Variants in CREB5 observed in about 807,000 individuals in gnomAD.
The protein encoded by CREB5 is cyclic AMP-responsive element-binding protein 5.
A neutral mutation model predicts 57.1 loss-of-function variants in CREB5; 19 were observed. That is an observed-to-expected ratio of 0.33 (90% CI 0.23 to 0.49). The LOEUF is 0.49. Among genes scored for constraint, CREB5 ranks in the 20% least tolerant of loss-of-function variants. The probability of loss-of-function intolerance (pLI) is 0.99; values close to 1 mark genes in which losing one functional copy is unlikely to be tolerated. For missense variants in CREB5, 579 were observed against 671.6 expected, an observed-to-expected ratio of 0.86 and a Z score of 1.52; for synonymous variants, 238 against 238.3, an observed-to-expected ratio of 1.00 and a Z score of 0.01.
At chr7:28,605,593 T>G (rs1797098427) in intron 5 of CREB5, among the ~76,000 whole-genome samples, 3 of 152,196 alleles carry the variant, frequency 2.0e-5, no homozygotes, top group Admixed American at 2.0e-4. Flanking sequence ...GGAGCTGACC[T>G]TCACTGCTTC....
intron 5 of CREB5, among the ~76,000 whole-genome samples, chr7:28,665,349 GA>G (rs1019353387): frequency 6.6e-6 from 1 of 152,140 alleles, no homozygotes; most frequent in African/African-American, 2.4e-5. Context: ...ATACATTAAA[GA>G]AACAACTTGC....
intron 4 of CREB5, among the ~76,000 whole-genome samples, chr7:28,518,398 G>C (rs1198507099): frequency 6.6e-6 from 1 of 152,196 alleles, no homozygotes; most frequent in Non-Finnish European, 1.5e-5. Flanking sequence ...TTGAATCACA[G>C]CCTCTCTCAA....
At chr7:28,386,131 T>C (rs565655823) in intron 1 of CREB5, among the ~76,000 whole-genome samples, 4 of 152,358 alleles carry the variant, frequency 2.6e-5, no homozygotes, top group African/African-American at 9.6e-5. Flanking sequence ...CACCTACTTA[T>C]TCGCATTTTC....
At chr7:28,658,132 G>C (rs1291210493) in intron 5 of CREB5, among the ~76,000 whole-genome samples, 1 of 152,152 alleles carries the variant, frequency 6.6e-6, no homozygotes, top group Non-Finnish European at 1.5e-5. Context: ...CATAAGGGCG[G>C]AGCACGGCTT....
intron 4 of CREB5, among the ~76,000 whole-genome samples, chr7:28,564,549 A>G (rs1795407876): frequency 6.6e-6 from 1 of 152,316 alleles, no homozygotes; most frequent in South Asian, 2.1e-4. Context: ...AAGACTCATT[A>G]TTCTCCTGCT....
At chr7:28,796,031 G>A (rs1444976511) in intron 7 of CREB5, among the ~76,000 whole-genome samples, 1 of 152,118 alleles carries the variant, frequency 6.6e-6, no homozygotes, top group African/African-American at 2.4e-5. Context: ...GGGATTACAG[G>A]TGTGAGGCAC....
intron 3 of CREB5, among the ~76,000 whole-genome samples, chr7:28,503,581 C>A (rs1346809448): frequency 6.6e-6 from 1 of 152,112 alleles, no homozygotes; most frequent in South Asian, 2.1e-4. Flanking sequence ...AACAGTCATC[C>A]TAGCAGCCTC....
Position 28,560,891 on chromosome 7 carries a change from T to TGCGTGCGCGC in CREB5, c.292-9473_292-9472insCGTGCGCGCG, listed in dbSNP as rs1314317818. ...CTGCGTGCGCGTGCGTGCGTGCGTG[T>TGCGTGCGCGC]GTGTGCGTGCGCGCGTGCGTGTGCG... On this transcript the variant is annotated intron_variant, in intron 4 of 10. Transcript: ENST00000357727. 3.2e-3 allele frequency among the ~76,000 whole-genome samples: 64 copies of TGCGTGCGCGC among 19,724 alleles called. 9 individuals are homozygous for TGCGTGCGCGC. The highest frequency in any genetic ancestry group is 4.9e-3 in the Non-Finnish European group (53 of 10,798). 12.9% of individuals were successfully genotyped at this position (19,724 alleles called of 152,430 possible).
chr7:28,607,938 C>T (rs1183519592), intron 5 of CREB5, among the ~76,000 whole-genome samples: 1 of 152,064 alleles, frequency 6.6e-6, no homozygotes, highest in East Asian at 1.9e-4. Context: ...AGACTTTGCC[C>T]TTCGAAACAA....
At chr7:28,366,714 G>T (rs553886839) in intron 1 of CREB5, among the ~76,000 whole-genome samples, 1 of 152,266 alleles carries the variant, frequency 6.6e-6, no homozygotes, top group South Asian at 2.1e-4. Flanking sequence ...CAAAACATTG[G>T]ACATCCTTCT....
At chr7:28,362,948 A>C (rs1386641011) in intron 1 of CREB5, among the ~76,000 whole-genome samples, 1 of 152,168 alleles carries the variant, frequency 6.6e-6, no homozygotes, top group African/African-American at 2.4e-5. Context: ...ACAGGGTTTT[A>C]AATGTATTTG....
At chr7:28,544,527 C>T (rs1238795955) in intron 4 of CREB5, among the ~76,000 whole-genome samples, 3 of 152,178 alleles carry the variant, frequency 2.0e-5, no homozygotes, top group Non-Finnish European at 4.4e-5. Flanking sequence ...CCATAAAACA[C>T]AGAGGCTTCA....
intron 5 of CREB5, among the ~76,000 whole-genome samples, chr7:28,700,937 T>G (rs1801823570): frequency 6.8e-6 from 1 of 147,178 alleles, no homozygotes; most frequent in African/African-American, 2.6e-5. Flanking sequence ...AAGAGTATAA[T>G]TAAGATAGGT....
chr7:28,745,556 A>G (rs1049957582), intron 7 of CREB5, among the ~76,000 whole-genome samples: 1 of 152,220 alleles, frequency 6.6e-6, no homozygotes, highest in Non-Finnish European at 1.5e-5. Flanking sequence ...AGAAGTGTCC[A>G]GCTCTATTCT....
intron 9 of CREB5, among the ~76,000 whole-genome samples, chr7:28,815,469 C>A (rs1327798362): frequency 6.6e-6 from 1 of 152,200 alleles, no homozygotes; most frequent in Non-Finnish European, 1.5e-5. Context: ...CCACCAAAGT[C>A]ATATACTTTG....
At chr7:28,471,920 A>G (rs921821191) in intron 1 of CREB5, among the ~76,000 whole-genome samples, 7 of 152,030 alleles carry the variant, frequency 4.6e-5, no homozygotes, top group Non-Finnish European at 1.0e-4. Flanking sequence ...TTTCTTACAT[A>G]TAAAATCACA....
intron 5 of CREB5, among the ~76,000 whole-genome samples, chr7:28,638,699 T>C (rs1798526209): frequency 6.6e-6 from 1 of 152,192 alleles, no homozygotes; most frequent in African/African-American, 2.4e-5. Context: ...ACAATTGATA[T>C]TATTATAACT....
chr7:28,720,405 G>C (rs1449590701), intron 6 of CREB5, among the ~76,000 whole-genome samples: 1 of 152,206 alleles, frequency 6.6e-6, no homozygotes, highest in Non-Finnish European at 1.5e-5. Context: ...CAGATGAAAA[G>C]CTGAAGAAGA....
At chr7:28,548,782 G>A (rs937548728) in intron 4 of CREB5, among the ~76,000 whole-genome samples, 1 of 152,192 alleles carries the variant, frequency 6.6e-6, no homozygotes, top group Admixed American at 6.5e-5. Flanking sequence ...AAATATTACC[G>A]TTATTAATTT....
Sources: allele counts gnomAD v4.1 joint callset (sites outside exome capture counted in the v4.1 genomes callset), GRCh38; gene constraint gnomAD v4.1.1; transcripts MANE v1.5; gene names NCBI Gene and HGNC (gene_info 2026-07-23, HGNC 2026-07-21).